MYPN: variants seen among roughly 807,000 people sequenced by gnomAD.
MYPN encodes sarcomeric protein myopalladin, 145 kDa (MYOP).
Under a neutral mutation model 129.4 loss-of-function variants are expected in MYPN, and 63 were observed. That is an observed-to-expected ratio of 0.49 (90% CI 0.40 to 0.60). The LOEUF is 0.60. Among genes scored for constraint, MYPN ranks in the 20% least tolerant of loss-of-function variants. The pLI is 0.00. For missense variants in MYPN, 1,596 were observed against 1,635.4 expected (o/e 0.98, Z 0.42); for synonymous variants, 629 against 600.9 (o/e 1.05, Z -0.68).
At chr10:68,167,646 G>A (rs867462027) in intron 10 of MYPN, among the ~76,000 whole-genome samples, 14 of 152,320 alleles carry the variant, frequency 9.2e-5, no homozygotes, top group Middle Eastern at 6.8e-3. Context: ...CAGTCCCAGT[G>A]CACCCACTGT....
At chr10:68,192,074 T>C (rs1189635584) in intron 13 of MYPN, among the ~76,000 whole-genome samples, 1 of 152,222 alleles carries the variant, frequency 6.6e-6, no homozygotes, top group Admixed American at 6.5e-5. Context: ...ATCTTTGTCT[T>C]GTTCCTGATG....
At chr10:68,198,194 G>C (rs1259979374) in intron 16 of MYPN, among the ~76,000 whole-genome samples, 1 of 152,116 alleles carries the variant, frequency 6.6e-6, no homozygotes, top group Non-Finnish European at 1.5e-5. Context: ...TGTCTGGAAG[G>C]CCTTTATTAC....
At chr10:68,164,718 G>A (rs1362478191) in intron 8 of MYPN, among the ~76,000 whole-genome samples, 1 of 152,154 alleles carries the variant, frequency 6.6e-6, no homozygotes, top group Non-Finnish European at 1.5e-5. Flanking sequence ...ATTTTGGACT[G>A]TAATCATGTG....
chr10:68,100,664 C>T (rs564789397), intron 1 of MYPN, among the ~76,000 whole-genome samples: 11 of 152,154 alleles, frequency 7.2e-5, no homozygotes, highest in South Asian at 2.1e-4. Context: ...TGTAAAAGTA[C>T]GAAAACACCT....
At chr10:68,174,734 A>G in intron 11 of MYPN, 78 bp downstream of exon 11, 1 of 1,348,586 alleles carries the variant, frequency 7.4e-7, no homozygotes, top group Non-Finnish European at 1.1e-6. Flanking sequence ...GATCTGAAAC[A>G]GGGCTCTCAT....
intron 1 of MYPN, chr10:68,114,172 C>A (rs2042120641): frequency 6.6e-6 from 1 of 152,046 alleles, no homozygotes; most frequent in South Asian, 2.1e-4. Flanking sequence ...GTCAATGCCC[C>A]AGCTTAAATT....
intron 19 of MYPN, among the ~76,000 whole-genome samples, chr10:68,208,474 G>C (rs563288056): frequency 7.2e-4 from 109 of 152,266 alleles, no homozygotes; most frequent in African/African-American, 2.5e-3. Flanking sequence ...GAGAAATCGG[G>C]GGAGAAAGAG....
At chr10:68,183,609 T>G (rs1391645505) in intron 12 of MYPN, among the ~76,000 whole-genome samples, 2 of 152,236 alleles carry the variant, frequency 1.3e-5, no homozygotes, top group Non-Finnish European at 2.9e-5. Context: ...AAAAGGTTCT[T>G]TAGCTTGTAG....
Position 68,122,217 on chromosome 10 carries a change from A to G in MYPN, c.779A>G (p.Tyr260Cys). 6.2e-7 allele frequency: 1 copy of G among 1,611,354 alleles called. No individual in the cohort carries two copies. Residue 260 changes from tyrosine to cysteine, a missense_variant, in exon 2 of 20, where the codon TAC becomes TGC. By Grantham distance (194) the Tyr-to-Cys change is radical. Transcript: ENST00000358913. ...CCAGGGTCTTCCCCTTCATCTCTGTACTATGAAGAACCTCTGGGGCAACCT... is the reference window on the plus strand; with the variant it reads ...CCAGGGTCTTCCCCTTCATCTCTGTGCTATGAAGAACCTCTGGGGCAACCT... The part of the protein sequence containing the change: ...TTPGSSPSSL[Y>C]YEEPLGQPPR...
Position 68,109,621 on chromosome 10 carries a change from C to T in MYPN, c.-104C>T, listed in dbSNP as rs1357302844. The T allele has an allele frequency of 2.2e-6, 1 of 454,096 alleles. No homozygotes were observed. The highest frequency in any genetic ancestry group is 4.4e-6 in the Non-Finnish European group (1 of 226,786). The allele number at this position is 454,096 out of a possible 1,614,324, so 28.1% of individuals were successfully genotyped here. A position where few individuals can be genotyped will look rare whatever the true frequency, so the allele number is the denominator to read the frequency against. ...ATTTCCAAGGGCGTGAAGAATTTCC[C>T]TCTTCTCCTGTGCTTTCATCTAAAA... is the stretch of plus-strand genomic sequence containing the variant. On this transcript the variant is annotated 5_prime_UTR_variant, in exon 1 of 20. Coordinates refer to ENST00000358913, the MANE Select transcript of MYPN (RefSeq NM_032578.4).
chr10:68,192,638 C>T (rs1376802935), intron 13 of MYPN, among the ~76,000 whole-genome samples: 2 of 152,064 alleles, frequency 1.3e-5, no homozygotes, highest in East Asian at 3.9e-4. Flanking sequence ...ATCCATTAGG[C>T]CCTGGGCTTT....
rs1219536562 is a variant in MYPN at position 68,174,439 on chromosome 10, G to A, written c.2347G>A (p.Glu783Lys). 3.7e-6 allele frequency: 6 copies of A among 1,613,870 alleles called. No individual in the cohort carries two copies. The African/African-American group carries it at 8.0e-5, about 22-fold the overall frequency. Residue 783 changes from glutamate to lysine, a missense_variant, in exon 11 of 20, where the codon GAG becomes AAG. Transcript: ENST00000358913. ...TCCAGGAGGGCTTTCCATCCAAAAT[G>A]AGCCACTCCCACCAGGCCCAACAGA... is the stretch of plus-strand genomic sequence containing the variant. ...KSPGGLSIQN[E>K]PLPPGPTEPT...
In MYPN at chr10:68,121,539, G is replaced by C; in HGVS notation, c.101G>C (p.Arg34Pro). 6.2e-7 allele frequency: 1 copy of C among 1,614,162 alleles called. No individual in the cohort carries two copies. Among genetic ancestry groups the C allele is most frequent in the Non-Finnish European group, 8.5e-7 (1 of 1,180,028 alleles). ...CATCGGGGAAACAATGAGAGGAGTC[G>C]AGCGGAGCCCTCCTCCAACCCTTGC... ...TRHRGNNERS[R>P]AEPSSNPCHF... is the part of the protein sequence containing the mutation. Residue 34 changes from arginine (R) to proline (P), a missense_variant, in exon 2 of 20, where the codon CGA (arginine) becomes CCA (proline). Physicochemically the swap from Arg to Pro is moderately radical, Grantham distance 103. Transcript: ENST00000358913.
chr10:68,189,819 C>T (rs1204679779), intron 13 of MYPN, among the ~76,000 whole-genome samples: 1 of 152,222 alleles, frequency 6.6e-6, no homozygotes, highest in African/African-American at 2.4e-5. Context: ...AATAGTGCTG[C>T]AGTAAATACA....
At chr10:68,152,248 C>G (rs1029317834) in intron 6 of MYPN, among the ~76,000 whole-genome samples, 6 of 152,056 alleles carry the variant, frequency 3.9e-5, no homozygotes, top group Admixed American at 2.0e-4. Context: ...TTTATCAGAT[C>G]TTATCAGACT....
intron 10 of MYPN, among the ~76,000 whole-genome samples, chr10:68,171,310 G>A (rs1484435544): frequency 1.3e-5 from 2 of 152,164 alleles, no homozygotes; most frequent in Non-Finnish European, 2.9e-5. Context: ...GAAAGCCTAT[G>A]CTTTGGGGCC....
At chr10:68,132,686 G>A (rs2042428575) in intron 2 of MYPN, among the ~76,000 whole-genome samples, 5 of 152,150 alleles carry the variant, frequency 3.3e-5, no homozygotes, top group Admixed American at 3.3e-4. Flanking sequence ...AATTGGCAAG[G>A]AACATTCCAA....
chr10:68,145,385 G>C lies in MYPN; in HGVS notation c.1079-90G>C, dbSNP rs983856637. The C allele has an allele frequency of 5.8e-5, 60 of 1,037,794 alleles. No individual in the cohort carries two copies. In the African/African-American group the frequency reaches 8.3e-4, roughly 14 times the overall value. The allele number at this position is 1,037,794 out of a possible 1,614,324, so 64.3% of individuals were successfully genotyped here. On this transcript the variant is annotated intron_variant, in intron 3 of 19. Transcript: ENST00000358913. The stretch of plus-strand genomic sequence containing the variant: ...GATATTTAGGAATCAGGTAAACAAA[G>C]TATCATCTTAAAAATCTTATGTCGT...
chr10:68,111,141 A>C (rs917721181), intron 1 of MYPN, among the ~76,000 whole-genome samples: 5 of 152,214 alleles, frequency 3.3e-5, no homozygotes, highest in Non-Finnish European at 7.4e-5. Flanking sequence ...GGACACAAGA[A>C]GTTGAATGAG....
Sources: gnomAD v4.1 joint callset for allele counts (sites outside exome capture counted in the v4.1 genomes callset) on GRCh38, gnomAD v4.1.1 for gene constraint, MANE v1.5 for transcripts, NCBI Gene and HGNC (gene_info 2026-07-23, HGNC 2026-07-21) for gene names.